LRRC4C: variants seen among roughly 807,000 people sequenced by gnomAD.
LRRC4C encodes the protein leucine rich repeat containing 4C, also known as leucine-rich repeat-containing protein 4C.
A neutral mutation model predicts 33.6 loss-of-function variants in LRRC4C; 5 were observed. The ratio of observed to expected loss-of-function variants is 0.15; its 90% CI spans 0.08 to 0.31. LRRC4C has a LOEUF of 0.31. LRRC4C is among the 10% of genes least tolerant of loss of function. The pLI, the probability that LRRC4C is intolerant of heterozygous loss-of-function variation, is 1.00. For synonymous variants in LRRC4C, 329 were observed against 302.0 expected (o/e 1.09, Z -0.93); for missense variants, 560 against 796.7 (o/e 0.70, Z 3.58).
At chr11:41,240,278 G>A (rs1948197407) in intron 1 of LRRC4C, among the ~76,000 whole-genome samples, 4 of 152,068 alleles carry the variant, frequency 2.6e-5, no homozygotes, top group Admixed American at 6.6e-5. Flanking sequence ...AGACATTACC[G>A]CATCTAATTC....
intron 1 of LRRC4C, among the ~76,000 whole-genome samples, chr11:41,221,971 T>C (rs759743883): frequency 9.2e-5 from 14 of 152,194 alleles, no homozygotes; most frequent in Non-Finnish European, 1.5e-4. Flanking sequence ...AATAAGCATA[T>C]CAATCTCATG....
intron 2 of LRRC4C, among the ~76,000 whole-genome samples, chr11:40,835,079 CAGTAGG>C (rs1952610400): frequency 6.6e-6 from 1 of 152,074 alleles, no homozygotes. Flanking sequence ...CTATAGTTTT[CAGTAGG>C]AGCATTCATG....
rs796208596 is a variant in LRRC4C at position 41,447,481 on chromosome 11, G to T, written c.-496+11950C>A. On this transcript the variant is annotated intron_variant, in intron 1 of 6. Coordinates refer to ENST00000528697, the MANE Select transcript of LRRC4C (RefSeq NM_001258419.2). ...TTAAGTTCTAAAGGGTGAGAATTTA[G>T]AATCCCATGGAAGTTGGTGGATACT... is the stretch of plus-strand genomic sequence containing the variant. Among the ~76,000 whole-genome samples the T allele has an allele frequency of 3.3e-5, 5 of 152,114 alleles. No individual in the cohort carries two copies. The South Asian group carries it at 1.0e-3, about 31-fold the overall frequency.
intron 2 of LRRC4C, among the ~76,000 whole-genome samples, chr11:40,776,685 T>C (rs1441912838): frequency 6.6e-6 from 1 of 152,102 alleles, no homozygotes; most frequent in Non-Finnish European, 1.5e-5. Context: ...AATTTTTGGT[T>C]TGGTTAACTT....
chr11:41,140,573 T>C (rs1943459446), intron 1 of LRRC4C, among the ~76,000 whole-genome samples: 2 of 152,220 alleles, frequency 1.3e-5, no homozygotes, highest in Admixed American at 6.5e-5. Flanking sequence ...ATAGGCCCAT[T>C]GCAGGGTAAA....
intron 5 of LRRC4C, among the ~76,000 whole-genome samples, chr11:40,177,500 C>T (rs1860607657): frequency 6.6e-6 from 1 of 152,104 alleles, no homozygotes; most frequent in African/African-American, 2.4e-5. Context: ...TCACACTGTA[C>T]TCCTTGGCAT....
intron 1 of LRRC4C, among the ~76,000 whole-genome samples, chr11:41,138,285 C>T (rs970765730): frequency 3.3e-5 from 5 of 152,304 alleles, no homozygotes; most frequent in Admixed American, 6.5e-5. Context: ...ATACAGGTAA[C>T]GCAATTGCTT....
At chr11:41,265,413 T>G (rs897864342) in intron 1 of LRRC4C, among the ~76,000 whole-genome samples, 3 of 151,984 alleles carry the variant, frequency 2.0e-5, no homozygotes, top group Non-Finnish European at 4.4e-5. Flanking sequence ...CAAGACTAGG[T>G]GAGAAGACTA....
intron 1 of LRRC4C, among the ~76,000 whole-genome samples, chr11:41,181,588 G>T (rs941888265): frequency 6.6e-6 from 1 of 152,142 alleles, no homozygotes; most frequent in African/African-American, 2.4e-5. Flanking sequence ...CAATTAAAGG[G>T]TGAGGATCAA....
chr11:40,369,597 C>G (rs1160448769), intron 3 of LRRC4C, among the ~76,000 whole-genome samples: 1 of 152,234 alleles, frequency 6.6e-6, no homozygotes, highest in Non-Finnish European at 1.5e-5. Context: ...CTCAGCCTCC[C>G]AAAGTGCTGG....
intron 3 of LRRC4C, among the ~76,000 whole-genome samples, chr11:40,601,349 G>A (rs924653955): frequency 1.1e-4 from 16 of 152,116 alleles, no homozygotes; most frequent in Non-Finnish European, 2.1e-4. Flanking sequence ...ATGGCCATGA[G>A]AGCCTGCAGC....
At chr11:41,381,309 A>G (rs1953138032) in intron 1 of LRRC4C, among the ~76,000 whole-genome samples, 1 of 152,156 alleles carries the variant, frequency 6.6e-6, no homozygotes, top group Non-Finnish European at 1.5e-5. Flanking sequence ...ATCAGGAACC[A>G]AATATTAAGT....
At chr11:41,446,646 A>C (rs1955836589) in intron 1 of LRRC4C, among the ~76,000 whole-genome samples, 1 of 152,106 alleles carries the variant, frequency 6.6e-6, no homozygotes. Context: ...TAGGTTATGT[A>C]ATGTTATTTC....
intron 3 of LRRC4C, among the ~76,000 whole-genome samples, chr11:40,586,936 T>C (rs1293654330): frequency 6.6e-6 from 1 of 152,178 alleles, no homozygotes; most frequent in Non-Finnish European, 1.5e-5. Flanking sequence ...TCTTTTGGCT[T>C]AGGATTGATT....
chr11:40,181,455 C>T (rs1228192758), intron 5 of LRRC4C, among the ~76,000 whole-genome samples: 1 of 152,204 alleles, frequency 6.6e-6, no homozygotes, highest in Non-Finnish European at 1.5e-5. Flanking sequence ...GGACTCACCT[C>T]TACCCCTCAG....
At position 41,332,096 on chromosome 11, in the gene LRRC4C, C is replaced by T. The variant is rs180730472; in HGVS notation, c.-496+127335G>A. On this transcript the variant is annotated intron_variant, in intron 1 of 6. Coordinates refer to ENST00000528697, the MANE Select transcript of LRRC4C (RefSeq NM_001258419.2). ...TCCATCTTGTTCACTGCCATAACCCCGGGACTTAGAACAGTACCTTTCACA... is the reference window on the plus strand; with the variant it reads ...TCCATCTTGTTCACTGCCATAACCCTGGGACTTAGAACAGTACCTTTCACA... Among the ~76,000 whole-genome samples the T allele has an allele frequency of 2.1e-3, 317 of 152,158 alleles. 1 individual carries two copies. Among genetic ancestry groups the T allele is most frequent in the African/African-American group, 7.2e-3 (297 of 41,522 alleles).
intron 3 of LRRC4C, among the ~76,000 whole-genome samples, chr11:40,595,908 C>T (rs939851914): frequency 4.6e-5 from 7 of 152,056 alleles, no homozygotes; most frequent in South Asian, 2.1e-4. Flanking sequence ...AAGTCTATAG[C>T]GACGGGGTAG....
intron 3 of LRRC4C, among the ~76,000 whole-genome samples, chr11:40,612,010 C>T (rs1436481878): frequency 1.3e-5 from 2 of 151,802 alleles, no homozygotes; most frequent in East Asian, 3.9e-4. Context: ...AATAAAACGA[C>T]CATATGACCC....
chr11:41,149,316 TAA>T (rs1431905427), intron 1 of LRRC4C, among the ~76,000 whole-genome samples: 2 of 151,624 alleles, frequency 1.3e-5, no homozygotes, highest in African/African-American at 4.8e-5. Context: ...CCATCCCGGC[TAA>T]AAAACGGTGA....
Sources: allele counts gnomAD v4.1 joint callset (sites outside exome capture counted in the v4.1 genomes callset), GRCh38; gene constraint gnomAD v4.1.1; transcripts MANE v1.5; gene names NCBI Gene and HGNC (gene_info 2026-07-23, HGNC 2026-07-21).